The following MAP3K9 variants were observed in gnomAD, a reference collection of about 807,000 sequenced individuals.
MAP3K9 encodes mitogen-activated protein kinase kinase kinase 9, also known as mixed lineage kinase 1 (tyr and ser/thr specificity).
Under a neutral mutation model 95.8 loss-of-function variants are expected in MAP3K9, and 46 were observed. The ratio of observed to expected loss-of-function variants is 0.48; its 90% CI spans 0.38 to 0.61. The LOEUF (loss-of-function observed/expected upper bound fraction) is 0.61, where lower values mean the gene tolerates loss of function less well. Ranked by LOEUF, MAP3K9 falls within the 20% of genes least tolerant of loss-of-function variation. MAP3K9 has a pLI of 0.00. For missense variants in MAP3K9, 1,296 were observed against 1,474.3 expected (o/e 0.88, Z 1.98); for synonymous variants, 533 against 593.8 (o/e 0.90, Z 1.49).
In MAP3K9 at chr14:70,725,874, T is replaced by A. The variant is rs2053814161; in HGVS notation, c.*4506A>T. 1 of 152,118 alleles carries A rather than the reference T, an allele frequency of 6.6e-6. No homozygotes were observed. The highest frequency in any genetic ancestry group is 2.4e-5 in the African/African-American group (1 of 41,408). The allele number at this position is 152,118 out of a possible 1,614,324, so 9.4% of individuals were successfully genotyped here. A position where few individuals can be genotyped will look rare whatever the true frequency, so the allele number is the denominator to read the frequency against. ...CACTTTTCTGCACCAAGGGAAGCAATCTGGCAAGGCTGCAGTTTCTGTGCA... is the reference window on the plus strand; with the variant it reads ...CACTTTTCTGCACCAAGGGAAGCAAACTGGCAAGGCTGCAGTTTCTGTGCA... On this transcript the variant is annotated 3_prime_UTR_variant, in exon 12 of 12. Coordinates refer to ENST00000554752, the MANE Select transcript of MAP3K9 (RefSeq NM_001284230.2).
Position 70,745,752 on chromosome 14 carries a change from T to C in MAP3K9, c.1326+3077A>G, listed in dbSNP as rs879604743. On this transcript the variant is annotated intron_variant, in intron 5 of 11. Transcript: ENST00000554752. ...GACTCTGTCTCAAAAAAAAAAAAAG[T>C]GATAGAAAAGAAATGAGAAAAGAAT... 2.0e-5 allele frequency among the ~76,000 whole-genome samples: 3 copies of C among 146,740 alleles called. No homozygotes were observed. The South Asian group carries it at 6.4e-4, about 31-fold the overall frequency.
chr14:70,788,036 A>G (rs2054766948), intron 2 of MAP3K9, among the ~76,000 whole-genome samples: 1 of 152,244 alleles, frequency 6.6e-6, no homozygotes, highest in African/African-American at 2.4e-5. Context: ...CAGAGACAAA[A>G]AGATACTTAA....
rs2053768931 is a variant in MAP3K9, at chr14:70,722,680, A to G, written c.*7700T>C. 1 of 150,358 alleles carries G rather than the reference A, an allele frequency of 6.7e-6. No individual in the cohort carries two copies. The highest frequency in any genetic ancestry group is 1.5e-5 in the Non-Finnish European group (1 of 67,564). 9.3% of individuals were successfully genotyped at this position (150,358 alleles called of 1,614,324 possible). ...ACAATTTACAGTACCTCGAAAGAAA[A>G]AAAAAAAAAAGCCAAAGGAAAGAAC... On this transcript the variant is annotated 3_prime_UTR_variant, in exon 12 of 12. Coordinates refer to ENST00000554752, the MANE Select transcript of MAP3K9 (RefSeq NM_001284230.2).
Position 70,734,376 on chromosome 14 carries a change from C to G in MAP3K9, c.2026+10G>C. On this transcript the variant is annotated intron_variant, in intron 10 of 11. Transcript: ENST00000554752. ...AGACAGCCAAGACTCTCAAGAGGAG[C>G]TATGCTTACCCATCTCCATAAGGCT... is the stretch of plus-strand genomic sequence containing the variant. 1 of 1,590,854 alleles carries G rather than the reference C, an allele frequency of 6.3e-7. No individual in the cohort carries two copies. The highest frequency in any genetic ancestry group is 8.6e-7 in the Non-Finnish European group (1 of 1,158,762).
At position 70,730,812 on chromosome 14, in the gene MAP3K9, G is replaced by A. The variant is rs977683709; in HGVS notation, c.2883C>T (p.Leu961=). Residue 961 remains leucine, a synonymous_variant, in exon 12 of 12, where the codon CTC becomes CTT. Transcript: ENST00000554752. ...GGGGGAAGACCACATTGGGGTCAGG[G>A]AGACGGGGGAATTCACCTGGGTCTC... ...PSRDPGEFPR[L]PDPNVVFPPT... is the part of the protein sequence containing the mutation. 1 of 1,612,438 alleles carries A rather than the reference G, an allele frequency of 6.2e-7. No individual in the cohort carries two copies. The highest frequency in any genetic ancestry group is 8.5e-7 in the Non-Finnish European group (1 of 1,179,894).
At position 70,748,778 on chromosome 14, in the gene MAP3K9, T is replaced by G. The variant is rs547058602; in HGVS notation, c.1326+51A>C. ...GAGTGAGGTCTACCAATTCAATGCATGCCTTTTTTCTTTTCGTTCGTTTTT... is the reference window on the plus strand; with the variant it reads ...GAGTGAGGTCTACCAATTCAATGCAGGCCTTTTTTCTTTTCGTTCGTTTTT... On this transcript the variant is annotated intron_variant, in intron 5 of 11. Coordinates refer to ENST00000554752, the MANE Select transcript of MAP3K9 (RefSeq NM_001284230.2). The G allele has an allele frequency of 2.6e-5, 38 of 1,480,832 alleles. 1 individual carries two copies. The South Asian group carries it at 4.2e-4, about 17-fold the overall frequency. The allele number at this position is 1,480,832 out of a possible 1,614,324, so 91.7% of individuals were successfully genotyped here. A position where few individuals can be genotyped will look rare whatever the true frequency, so the allele number is the denominator to read the frequency against.
intron 2 of MAP3K9, among the ~76,000 whole-genome samples, chr14:70,782,418 A>G (rs2054691687): frequency 1.3e-5 from 2 of 152,132 alleles, no homozygotes; most frequent in African/African-American, 4.8e-5. Context: ...GGCATTGCAG[A>G]GGAGAAAGGA....
At chr14:70,779,224 T>A (rs1268713325) in intron 2 of MAP3K9, among the ~76,000 whole-genome samples, 1 of 152,220 alleles carries the variant, frequency 6.6e-6, no homozygotes, top group Non-Finnish European at 1.5e-5. Flanking sequence ...AACTTGGAAA[T>A]GACCCTGGAG....
chr14:70,788,763 C>T (rs1395749896), intron 2 of MAP3K9, among the ~76,000 whole-genome samples: 2 of 152,164 alleles, frequency 1.3e-5, no homozygotes, highest in African/African-American at 4.8e-5. Context: ...CTGGACACAA[C>T]CAGATTTAGA....
intron 2 of MAP3K9, among the ~76,000 whole-genome samples, chr14:70,780,372 C>G (rs147022288): frequency 1.3e-5 from 2 of 152,190 alleles, no homozygotes; most frequent in African/African-American, 4.8e-5. Flanking sequence ...TTTAACCAGC[C>G]CCAACTTTCT....
chr14:70,738,121 A>C, intron 8 of MAP3K9, 124 bp downstream of exon 8: 1 of 1,091,842 alleles, frequency 9.2e-7, no homozygotes, highest in Non-Finnish European at 1.3e-6. Context: ...AAAGATCAAG[A>C]AGCTTGTAAT....
chr14:70,758,715 T>C (rs2139775211), intron 3 of MAP3K9, among the ~76,000 whole-genome samples: 1 of 152,018 alleles, frequency 6.6e-6, no homozygotes, highest in South Asian at 2.1e-4. Flanking sequence ...TGGAATATTA[T>C]TAAGCCTTAA....
At chr14:70,806,273 A>G (rs942250244) in intron 1 of MAP3K9, among the ~76,000 whole-genome samples, 4 of 152,192 alleles carry the variant, frequency 2.6e-5, no homozygotes, top group Admixed American at 2.6e-4. Context: ...GAAGTTTTAT[A>G]TTTACATACT....
In MAP3K9 at chr14:70,808,878, C is replaced by T. The variant is rs773676020; in HGVS notation, c.294G>A (p.Gln98=). 4 of 1,599,552 alleles carry T rather than the reference C, an allele frequency of 2.5e-6. No homozygotes were observed. In the South Asian group the frequency reaches 4.5e-5, roughly 18 times the overall value. ...VSGDEGWWTG[Q]LNQRVGIFPS... ...GGAAGATGCCCACCCGCTGGTTCAG[C>T]TGCCCGGTCCACCAGCCCTCGTCGC... The change falls in exon 1 of 12, where the codon CAG becomes CAA. Residue 98 remains glutamine (Q), a synonymous_variant. Transcript: ENST00000554752.
intron 2 of MAP3K9, among the ~76,000 whole-genome samples, chr14:70,767,411 C>T (rs11622144): frequency 0.018 from 2,487 of 137,390 alleles, 43 homozygotes; most frequent in Non-Finnish European, 0.027. Context: ...AAAAAAAGAA[C>T]TCATCTCTTG....
chr14:70,746,675 A>G (rs1478581537), intron 5 of MAP3K9, among the ~76,000 whole-genome samples: 1 of 152,258 alleles, frequency 6.6e-6, no homozygotes, highest in Non-Finnish European at 1.5e-5. Flanking sequence ...TGACACAGAC[A>G]ATTATTATCT....
At chr14:70,806,624 C>T (rs540972784) in intron 1 of MAP3K9, among the ~76,000 whole-genome samples, 69 of 152,314 alleles carry the variant, frequency 4.5e-4, no homozygotes, top group African/African-American at 1.6e-3. Flanking sequence ...TAAGTCCTGG[C>T]CACCAAATGA....
chr14:70,735,868 A>AGGC, intron 9 of MAP3K9, 93 bp downstream of exon 9: 1 of 1,007,040 alleles, frequency 9.9e-7, no homozygotes, highest in Non-Finnish European at 1.6e-6. Context: ...GGCAATAACG[A>AGGC]GGCTTGATTC....
chr14:70,759,366 C>T (rs948528826), intron 3 of MAP3K9, among the ~76,000 whole-genome samples: 11 of 152,194 alleles, frequency 7.2e-5, no homozygotes, highest in African/African-American at 1.7e-4. Context: ...CACTTGAACC[C>T]GGGAGGCAGA....
Sources: allele counts gnomAD v4.1 joint callset (sites outside exome capture counted in the v4.1 genomes callset), GRCh38; gene constraint gnomAD v4.1.1; transcripts MANE v1.5; gene names NCBI Gene and HGNC (gene_info 2026-07-23, HGNC 2026-07-21).